Variants in NOSTRIN observed in about 807,000 individuals in gnomAD.
NOSTRIN encodes the protein nitric oxide synthase trafficking.
NOSTRIN carries 63 observed loss-of-function variants against 59.0 expected under a neutral mutation model. That is an observed-to-expected ratio of 1.07 (90% confidence interval 0.87 to 1.32). The LOEUF (loss-of-function observed/expected upper bound fraction) is 1.32. Ranked by LOEUF, NOSTRIN falls within the 40% of genes most tolerant of loss-of-function variation. The pLI, the probability that NOSTRIN is intolerant of heterozygous loss-of-function variation, is 0.00. For synonymous variants in NOSTRIN, 200 were observed against 165.4 expected, an observed-to-expected ratio of 1.21 and a Z score of -1.61; for missense variants, 512 against 473.1, an observed-to-expected ratio of 1.08 and a Z score of -0.76.
At chr2:168,844,421 A>G (rs780613691) in intron 8 of NOSTRIN, among the ~76,000 whole-genome samples, 10 of 152,164 alleles carry the variant, frequency 6.6e-5, no homozygotes, top group Non-Finnish European at 1.0e-4. Context: ...AGCAGATACA[A>G]TTGGAGAAAG....
At chr2:168,800,216 T>C (rs528614413), upstream of NOSTRIN, among the ~76,000 whole-genome samples, 3 of 151,648 alleles carry the variant, frequency 2.0e-5, no homozygotes, top group South Asian at 6.3e-4. Context: ...TGACCTGCTT[T>C]TACATGAGTG....
intron 2 of NOSTRIN, among the ~76,000 whole-genome samples, chr2:168,789,134 A>G (rs1685280996): frequency 6.6e-6 from 1 of 152,200 alleles, no homozygotes; most frequent in Admixed American, 6.5e-5. Context: ...GGTGTGGAAC[A>G]TCTTTTTGGG....
chr2:168,822,155 C>CA (rs532899508), intron 2 of NOSTRIN, among the ~76,000 whole-genome samples: 155 of 152,260 alleles, frequency 1.0e-3, no homozygotes, highest in African/African-American at 3.6e-3. Flanking sequence ...GCAGAGAAAT[C>CA]TATTTTTAAG....
chr2:168,833,937 T>C (rs1687520761), intron 6 of NOSTRIN, among the ~76,000 whole-genome samples: 1 of 152,222 alleles, frequency 6.6e-6, no homozygotes, highest in South Asian at 2.1e-4. Flanking sequence ...TGCAGGCCTT[T>C]GATGATTTAG....
chr2:168,818,239 A>G, intron 2 of NOSTRIN: 1 of 436,942 alleles, frequency 2.3e-6, no homozygotes, highest in Non-Finnish European at 4.6e-6. Context: ...CTGCAGCCTC[A>G]GACTCCTGTG....
intron 8 of NOSTRIN, among the ~76,000 whole-genome samples, chr2:168,849,188 C>T (rs754242488): frequency 2.6e-5 from 4 of 152,098 alleles, no homozygotes; most frequent in Non-Finnish European, 5.9e-5. Flanking sequence ...TCCCTATGGT[C>T]GTGTTACCCA....
In NOSTRIN at chr2:168,848,819, C is replaced by T. The variant is rs530929593; in HGVS notation, c.631-2265C>T. On this transcript the variant is annotated intron_variant, in intron 8 of 15. Transcript: ENST00000317647. ...ATGAGAAGTCGTTGTTTCATGGGTA[C>T]GGTTTACTTTTGCAAGATGAAAAAA... 4.6e-4 allele frequency among the ~76,000 whole-genome samples: 70 copies of T among 152,110 alleles called. No homozygotes were observed. The South Asian group carries it at 0.014, about 31-fold the overall frequency.
chr2:168,834,541 A>ACACACACACACACACACACACC (rs58702721), intron 7 of NOSTRIN, among the ~76,000 whole-genome samples: 30 of 140,426 alleles, frequency 2.1e-4, no homozygotes, highest in Admixed American at 3.5e-4. Context: ...ACACACACAC[A>ACACACACACACACACACACACC]CCACATACAT....
intron 5 of NOSTRIN, among the ~76,000 whole-genome samples, chr2:168,830,420 CAT>C (rs1687297741): frequency 2.0e-5 from 3 of 152,242 alleles, no homozygotes; most frequent in East Asian, 1.9e-4. Context: ...ATTCCAGACA[CAT>C]ATGTGAAATC....
At position 168,838,060 on chromosome 2, in the gene NOSTRIN, T is replaced by C. The variant is rs544684574; in HGVS notation, c.504+3735T>C. Among the ~76,000 whole-genome samples, 25 of 152,332 alleles carry C rather than the reference T, an allele frequency of 1.6e-4. No individual in the cohort carries two copies. In the South Asian group the frequency reaches 2.3e-3, roughly 14 times the overall value. On this transcript the variant is annotated intron_variant, in intron 7 of 15. Coordinates refer to ENST00000317647, the MANE Select transcript of NOSTRIN (RefSeq NM_001039724.4). ...TATCAGGTACTCGATAAATAATACA[T>C]ACTCAATAAGTATATTCTCAAGGAT...
intron 2 of NOSTRIN, among the ~76,000 whole-genome samples, chr2:168,818,902 C>T (rs1686567163): frequency 6.6e-6 from 1 of 151,982 alleles, no homozygotes; most frequent in Non-Finnish European, 1.5e-5. Context: ...AGGGCAGGGT[C>T]CAGAATCTTT....
chr2:168,864,940 A>G lies in NOSTRIN; in HGVS notation c.1491A>G (p.Ser497=). 1 of 1,614,138 alleles carries G rather than the reference A, an allele frequency of 6.2e-7. No individual in the cohort carries two copies. Among genetic ancestry groups the G allele is most frequent in the Non-Finnish European group, 8.5e-7 (1 of 1,180,008 alleles). The part of the protein sequence containing the change: ...FPAAYVEELP[S]NAGNTATKA ...CCGCTTATGTGGAGGAGTTACCTTCAAATGCTGGCAACACAGCTACAAAGG... is the reference window on the plus strand; with the variant it reads ...CCGCTTATGTGGAGGAGTTACCTTCGAATGCTGGCAACACAGCTACAAAGG... The change falls in exon 16 of 16, where the codon TCA becomes TCG. Residue 497 remains serine (S), a synonymous_variant. Coordinates refer to ENST00000317647, the MANE Select transcript of NOSTRIN (RefSeq NM_001039724.4).
chr2:168,853,752 G>A (rs1381992189), intron 10 of NOSTRIN, among the ~76,000 whole-genome samples: 1 of 152,202 alleles, frequency 6.6e-6, no homozygotes, highest in African/African-American at 2.4e-5. Context: ...GACATGTGAA[G>A]GAGTGGTAGA....
Position 168,834,507 on chromosome 2 carries a change from G to GCGCGCACACA in NOSTRIN, c.504+183_504+184insGCGCACACAC, listed in dbSNP as rs756381301. On this transcript the variant is annotated intron_variant, in intron 7 of 15. Coordinates refer to ENST00000317647, the MANE Select transcript of NOSTRIN (RefSeq NM_001039724.4). ...TACTGGCGTGCGCGCGCGCGCGCGC[G>GCGCGCACACA]CACACACACACACACACACACACAC... 5.9e-3 allele frequency among the ~76,000 whole-genome samples: 742 copies of GCGCGCACACA among 125,378 alleles called. 4 individuals carry two copies. Among genetic ancestry groups the GCGCGCACACA allele is most frequent in the East Asian group, 0.011 (45 of 4,204 alleles). 82.3% of individuals were successfully genotyped at this position (125,378 alleles called of 152,430 possible).
intron 7 of NOSTRIN, among the ~76,000 whole-genome samples, chr2:168,838,906 C>T (rs1267578006): frequency 2.0e-5 from 3 of 151,438 alleles, no homozygotes; most frequent in Admixed American, 6.6e-5. Context: ...GCCTTAGCCT[C>T]CCAAGTAGCT....
intron 2 of NOSTRIN, among the ~76,000 whole-genome samples, chr2:168,817,589 C>T (rs55875048): frequency 0.032 from 4,945 of 152,258 alleles, 120 homozygotes; most frequent in Non-Finnish European, 0.048. Flanking sequence ...ACAATACTCC[C>T]TGTCCTCCCC....
Position 168,842,230 on chromosome 2 carries a change from A to G in NOSTRIN, c.505-762A>G, listed in dbSNP as rs1020126200. 3.3e-5 allele frequency among the ~76,000 whole-genome samples: 5 copies of G among 152,144 alleles called. No individual in the cohort carries two copies. In the East Asian group the frequency reaches 7.7e-4, roughly 23 times the overall value. On this transcript the variant is annotated intron_variant, in intron 7 of 15. Coordinates refer to ENST00000317647, the MANE Select transcript of NOSTRIN (RefSeq NM_001039724.4). ...ACCAATAGCCTCAGGGGAGAATGGG[A>G]GTGAGAGACAGGAGGGCAGAAGAAG...
At chr2:168,864,735 G>C (rs1689746076) in intron 15 of NOSTRIN, 99 bp from the exon 16 acceptor site, 2 of 1,401,950 alleles carry the variant, frequency 1.4e-6, no homozygotes, top group Non-Finnish European at 2.0e-6. Flanking sequence ...ACACTACCAA[G>C]TAAATCCTTG....
chr2:168,849,918 ATT>A (rs71297456), intron 8 of NOSTRIN, among the ~76,000 whole-genome samples: 1 of 91,388 alleles, frequency 1.1e-5, no homozygotes. Context: ...ACATTTTCTC[ATT>A]TTTTTTTTTT....
Sources: allele counts gnomAD v4.1 joint callset (sites outside exome capture counted in the v4.1 genomes callset), GRCh38; gene constraint gnomAD v4.1.1; transcripts MANE v1.5; gene names NCBI Gene and HGNC (gene_info 2026-07-23, HGNC 2026-07-21).